The following ARL13B variants were observed in gnomAD, a reference collection of about 807,000 sequenced individuals.
ARL13B encodes the protein ADP-ribosylation factor-like protein 13B.
A neutral mutation model predicts 56.1 loss-of-function variants in ARL13B; 36 were observed. The observed-to-expected ratio is 0.64, with a 90% CI of 0.49 to 0.85. The LOEUF (loss-of-function observed/expected upper bound fraction) is 0.85. Ranked by LOEUF, ARL13B falls within the 40% of genes least tolerant of loss-of-function variation. ARL13B has a pLI of 0.00. For missense variants in ARL13B, 519 were observed against 507.1 expected (o/e 1.02, Z -0.23); for synonymous variants, 178 against 171.1 (o/e 1.04, Z -0.32).
At position 94,055,371 on chromosome 3, in the gene ARL13B, A is replaced by C. The variant is rs1201779228; in HGVS notation, c.*2108A>C. ...TTTTAAAATATGATTATTGAAAAACAGTTTAAATCAGTAGATTAAAATAAT... is the reference window on the plus strand; with the variant it reads ...TTTTAAAATATGATTATTGAAAAACCGTTTAAATCAGTAGATTAAAATAAT... On this transcript the variant is annotated 3_prime_UTR_variant, in exon 10 of 10. Coordinates refer to ENST00000394222, the MANE Select transcript of ARL13B (RefSeq NM_001174150.2). 6.8e-6 allele frequency: 3 copies of C among 441,824 alleles called. No homozygotes were observed. Among genetic ancestry groups the C allele is most frequent in the Non-Finnish European group, 1.4e-5 (3 of 219,696 alleles). The allele number at this position is 441,824 out of a possible 1,614,324, so 27.4% of individuals were successfully genotyped here. A position where few individuals can be genotyped will look rare whatever the true frequency, so the allele number is the denominator to read the frequency against.
chr3:93,987,646 CCT>C (rs75065378), intron 1 of ARL13B, among the ~76,000 whole-genome samples: 3,259 of 151,784 alleles, frequency 0.021, 53 homozygotes, highest in Non-Finnish European at 0.032. Context: ...ATCTAGAAAA[CCT>C]CTATTGTAAT....
rs1402620384 is a variant in ARL13B at position 94,043,010 on chromosome 3, G to C, written c.799-5G>C. The C allele has an allele frequency of 1.9e-6, 3 of 1,594,500 alleles. No individual in the cohort carries two copies. Among genetic ancestry groups the C allele is most frequent in the Admixed American group, 1.7e-5 (1 of 57,872 alleles). ...GTAAAGATAATGTATTTTATTTTTT[G>C]TTAGAATGAAGGAAAACTTGAAAGA... is the stretch of plus-strand genomic sequence containing the variant. On this transcript the variant is annotated splice_region_variant and splice_polypyrimidine_tract_variant and intron_variant, in intron 6 of 9. Coordinates refer to ENST00000394222, the MANE Select transcript of ARL13B (RefSeq NM_001174150.2).
chr3:94,025,433 T>C (rs889554075), intron 3 of ARL13B, among the ~76,000 whole-genome samples: 1 of 152,220 alleles, frequency 6.6e-6, no homozygotes, highest in South Asian at 2.1e-4. Flanking sequence ...ATCCTATGCC[T>C]GTATTTCTTT....
At chr3:93,988,963 G>A in intron 1 of ARL13B, 1 of 301,916 alleles carries the variant, frequency 3.3e-6, no homozygotes, top group Non-Finnish European at 6.5e-6. Flanking sequence ...GGCAGGAGGG[G>A]CACTTGCTGG....
intron 3 of ARL13B, among the ~76,000 whole-genome samples, chr3:94,005,543 C>G (rs1183139568): frequency 6.6e-6 from 1 of 152,190 alleles, no homozygotes; most frequent in Non-Finnish European, 1.5e-5. Context: ...TGTCACCTCT[C>G]TCAGCTAGTG....
Position 94,019,736 on chromosome 3 carries a change from C to G in ARL13B, c.381-15595C>G, listed in dbSNP as rs1269589136. Among the ~76,000 whole-genome samples the G allele has an allele frequency of 2.6e-5, 4 of 152,188 alleles. No individual in the cohort carries two copies. The East Asian group carries it at 7.7e-4, about 29-fold the overall frequency. On this transcript the variant is annotated intron_variant, in intron 3 of 9. Transcript: ENST00000394222. ...TACAAAGCTCCACAATGACTTCACC[C>G]CTTCTGTTACCCCTCCGACCTCACC...
intron 3 of ARL13B, chr3:94,028,487 C>G (rs1242646715): frequency 2.0e-5 from 3 of 152,188 alleles, no homozygotes; most frequent in African/African-American, 7.2e-5. Flanking sequence ...TCTTATAGGG[C>G]ACAGACTAAT....
At chr3:94,049,182 T>TAAAA (rs1427991675) in intron 7 of ARL13B, among the ~76,000 whole-genome samples, 1 of 152,230 alleles carries the variant, frequency 6.6e-6, no homozygotes, top group Non-Finnish European at 1.5e-5. Context: ...TTTGGCTCTT[T>TAAAA]TTATCATATT....
At chr3:93,983,233 A>G (rs1710301441) in intron 1 of ARL13B, among the ~76,000 whole-genome samples, 1 of 152,094 alleles carries the variant, frequency 6.6e-6, no homozygotes. Flanking sequence ...CAGGGATTAG[A>G]TTTGTGTGAT....
chr3:94,035,482 A>G lies in ARL13B; in HGVS notation c.486+46A>G, dbSNP rs763323223. The G allele has an allele frequency of 6.0e-6, 8 of 1,328,872 alleles. No individual in the cohort carries two copies. The Admixed American group carries it at 1.0e-4, about 17-fold the overall frequency. The allele number at this position is 1,328,872 out of a possible 1,614,324, so 82.3% of individuals were successfully genotyped here. ...TTAATTTTAATTTTTTGTCCTTTCA[A>G]ATAGGTTCAGTATAACTTGGTTTTT... On this transcript the variant is annotated intron_variant, in intron 4 of 9. Transcript: ENST00000394222.
In ARL13B at chr3:94,055,583, CTCT is replaced by C; in HGVS notation, c.*2322_*2324del. 1.1e-5 allele frequency: 5 copies of C among 453,820 alleles called. No individual in the cohort carries two copies. The highest frequency in any genetic ancestry group is 7.8e-5 in the South Asian group (5 of 64,466). The allele number at this position is 453,820 out of a possible 1,614,324, so 28.1% of individuals were successfully genotyped here. ...TATGTTTTTATGTATTTAAAAGAGG[CTCT>C]TGTGTGCCTTTATGTGTAAAATGCA... On this transcript the variant is annotated 3_prime_UTR_variant, in exon 10 of 10. Coordinates refer to ENST00000394222, the MANE Select transcript of ARL13B (RefSeq NM_001174150.2).
intron 3 of ARL13B, chr3:94,015,400 A>C (rs2076310356): frequency 1.5e-6 from 1 of 674,048 alleles, no homozygotes; most frequent in African/African-American, 1.8e-5. Flanking sequence ...TTCTCAAATG[A>C]GGTTAAAAAG....
chr3:93,985,509 T>G (rs1032440325), intron 1 of ARL13B, among the ~76,000 whole-genome samples: 9 of 152,162 alleles, frequency 5.9e-5, no homozygotes, highest in Non-Finnish European at 1.3e-4. Context: ...GCATACAAAT[T>G]TTGGCAACAA....
chr3:94,012,074 C>T (rs572511591), intron 3 of ARL13B, among the ~76,000 whole-genome samples: 65 of 152,208 alleles, frequency 4.3e-4, no homozygotes, highest in Non-Finnish European at 5.7e-4. Flanking sequence ...ACCTCATTGA[C>T]AGTTTCAGTT....
rs1200113616 is a variant in ARL13B at position 94,055,073 on chromosome 3, G to T, written c.*1810G>T. ...TCATTTAATAAAAATAAATGATTTT[G>T]AAATTAAATATAATATAGAATTCAC... On this transcript the variant is annotated 3_prime_UTR_variant, in exon 10 of 10. Transcript: ENST00000394222. The T allele has an allele frequency of 2.8e-6, 1 of 361,320 alleles. No homozygotes were observed. The highest frequency in any genetic ancestry group is 5.3e-6 in the Non-Finnish European group (1 of 187,830). The allele number at this position is 361,320 out of a possible 1,614,324, so 22.4% of individuals were successfully genotyped here.
At chr3:94,036,508 G>A (rs750656521) in intron 4 of ARL13B, 44 bp from the exon 5 acceptor site, 6 of 1,582,162 alleles carry the variant, frequency 3.8e-6, no homozygotes, top group Non-Finnish European at 4.3e-6. Flanking sequence ...ATAGATTTGT[G>A]TGGAGACCTT....
At chr3:94,043,388 G>T in intron 7 of ARL13B, 148 bp downstream of exon 7, 1 of 776,050 alleles carries the variant, frequency 1.3e-6, no homozygotes, top group Non-Finnish European at 2.0e-6. Context: ...TTTTCTCAAG[G>T]TCTTTTATTA....
At position 94,023,499 on chromosome 3, in the gene ARL13B, A is replaced by T. The variant is rs561235644; in HGVS notation, c.381-11832A>T. Reference sequence around the variant, plus strand: ...GTATTTACGGTCTTGCTTTTTTTTTAAATAATTTCTTTAAGAACTTTATTT... The same window carrying T: ...GTATTTACGGTCTTGCTTTTTTTTTTAATAATTTCTTTAAGAACTTTATTT... On this transcript the variant is annotated intron_variant, in intron 3 of 9. Transcript: ENST00000394222. Among the ~76,000 whole-genome samples, 5 of 151,706 alleles carry T rather than the reference A, an allele frequency of 3.3e-5. No individual in the cohort carries two copies. In the South Asian group the frequency reaches 6.2e-4, roughly 19 times the overall value.
chr3:94,006,369 C>T (rs779063687), intron 3 of ARL13B, among the ~76,000 whole-genome samples: 5 of 152,210 alleles, frequency 3.3e-5, no homozygotes, highest in Non-Finnish European at 7.4e-5. Flanking sequence ...GAATGTCTGA[C>T]CAAGCCCCAT....
Sources: allele counts gnomAD v4.1 joint callset (sites outside exome capture counted in the v4.1 genomes callset), GRCh38; gene constraint gnomAD v4.1.1; transcripts MANE v1.5; gene names NCBI Gene and HGNC (gene_info 2026-07-23, HGNC 2026-07-21).